SLC5A10: variants seen among roughly 807,000 people sequenced by gnomAD.
SLC5A10 encodes solute carrier family 5 member 10.
In SLC5A10, 55 loss-of-function variants were observed where a neutral mutation model predicts 68.9. The observed-to-expected ratio is 0.80, with a 90% CI of 0.64 to 1.00. The LOEUF (loss-of-function observed/expected upper bound fraction) is 1.00. Ranked by LOEUF, SLC5A10 falls within the 50% of genes least tolerant of loss-of-function variation. The pLI is 0.00. For missense variants in SLC5A10, 732 were observed against 819.3 expected (o/e 0.89, Z 1.30); for synonymous variants, 344 against 344.8 (o/e 1.00, Z 0.02).
intron 8 of SLC5A10, among the ~76,000 whole-genome samples, chr17:18,972,827 C>A: frequency 6.6e-6 from 1 of 151,468 alleles, no homozygotes; most frequent in East Asian, 1.9e-4. Flanking sequence ...CGAGATTGTG[C>A]CACTGCACTC....
At chr17:18,994,791 C>T (rs888074151) in intron 9 of SLC5A10, among the ~76,000 whole-genome samples, 1 of 152,168 alleles carries the variant, frequency 6.6e-6, no homozygotes, top group Non-Finnish European at 1.5e-5. Context: ...GCTTTAAGGG[C>T]CATATGTTCT....
chr17:18,978,581 T>C (rs753263341), intron 9 of SLC5A10: 11 of 1,613,098 alleles, frequency 6.8e-6, no homozygotes, highest in East Asian at 2.2e-5. Context: ...AGAGGAGATC[T>C]TGGCAATCTC....
At position 18,959,631 on chromosome 17, in the gene SLC5A10, T is replaced by C. The variant is rs142002812; in HGVS notation, c.316T>C (p.Trp106Arg). The stretch of plus-strand genomic sequence containing the variant: ...CACGTACGTGCTGCTGGCACTGGCA[T>C]GGGTGTTCGTGCCCATCTACATCTC... ...NATYVLLALA[W>R]VFVPIYISSE... Residue 106 changes from tryptophan (W) to arginine (R), a missense_variant, in exon 4 of 15, where the codon TGG (tryptophan) becomes CGG (arginine). Coordinates refer to ENST00000395645, the MANE Select transcript of SLC5A10 (RefSeq NM_001042450.4). 4.3e-6 allele frequency: 7 copies of C among 1,614,030 alleles called. No individual in the cohort carries two copies. The highest frequency in any genetic ancestry group is 5.9e-6 in the Non-Finnish European group (7 of 1,180,002).
In SLC5A10 at chr17:19,004,597, C is replaced by T. The variant is rs1163376863; in HGVS notation, c.983-8813C>T. ...GGTGCCGGCAACCCAGGAGGCCTGC[C>T]CGGAGGAGGCTGGGGCTCTGGGAGG... On this transcript the variant is annotated intron_variant, in intron 9 of 14. Coordinates refer to ENST00000395645, the MANE Select transcript of SLC5A10 (RefSeq NM_001042450.4). This position sits in a 1 kb window ranked among gnomAD's most constrained non-coding sequence, Gnocchi z 5.4. 3 of 151,982 alleles carry T rather than the reference C, an allele frequency of 2.0e-5. No homozygotes were observed. The highest frequency in any genetic ancestry group is 4.4e-5 in the Non-Finnish European group (3 of 67,912). 9.4% of individuals were successfully genotyped at this position (151,982 alleles called of 1,614,324 possible).
chr17:19,008,689 C>A (rs954740240), intron 9 of SLC5A10, among the ~76,000 whole-genome samples: 1 of 151,850 alleles, frequency 6.6e-6, no homozygotes. Context: ...TTAATAGAGA[C>A]GGGGTTTCAC....
intron 9 of SLC5A10, among the ~76,000 whole-genome samples, chr17:18,981,233 T>C (rs934344635): frequency 4.6e-5 from 7 of 151,256 alleles, no homozygotes; most frequent in African/African-American, 1.7e-4. Context: ...GAGGATGACA[T>C]AGGTCACAGG....
chr17:18,957,754 G>A (rs918195047), intron 1 of SLC5A10, among the ~76,000 whole-genome samples: 1 of 152,146 alleles, frequency 6.6e-6, no homozygotes, highest in African/African-American at 2.4e-5. Context: ...GTGAGCCACC[G>A]CGCCAGCCCA....
chr17:19,015,077 G>C lies in SLC5A10; in HGVS notation c.1119G>C (p.Met373Ile). 6.2e-7 allele frequency: 1 copy of C among 1,613,990 alleles called. No homozygotes were observed. The highest frequency in any genetic ancestry group is 8.5e-7 in the Non-Finnish European group (1 of 1,179,900). ...TGCGGGGGCTGATGATCGCAGTGAT[G>C]CTGGCGGCGCTCATGTCGTCGCTGA... Reference protein sequence around the residue: ...IGLRGLMIAVMLAALMSSLTS... With the variant: ...IGLRGLMIAVILAALMSSLTS... The change falls in exon 11 of 15, where the codon ATG becomes ATC. Residue 373 changes from methionine (M) to isoleucine (I), a missense_variant. By Grantham distance (10) the Met-to-Ile change is conservative. Transcript: ENST00000395645.
Position 18,959,680 on chromosome 17 carries a change from G to C in SLC5A10, c.348+17G>C. 6.2e-7 allele frequency: 1 copy of C among 1,613,670 alleles called. No homozygotes were observed. The highest frequency in any genetic ancestry group is 1.1e-5 in the South Asian group (1 of 91,070). On this transcript the variant is annotated intron_variant, in intron 4 of 14. Transcript: ENST00000395645. ...TCCTCAGAGGTGAGTCTACTCATGG[G>C]GCCTCCAGCTGGGGGGCTGGGCCTT...
intron 9 of SLC5A10, among the ~76,000 whole-genome samples, chr17:18,984,410 G>A (rs1184222585): frequency 6.6e-6 from 1 of 151,560 alleles, no homozygotes; most frequent in Non-Finnish European, 1.5e-5. Flanking sequence ...GGTAGAGACA[G>A]CAAGCAACAC....
At chr17:18,977,639 T>G in intron 9 of SLC5A10, 2 of 1,609,942 alleles carry the variant, frequency 1.2e-6, no homozygotes, top group Non-Finnish European at 1.7e-6. Flanking sequence ...CGCATCTGCT[T>G]CTTCTCTTCC....
At chr17:18,983,568 G>A (rs2043190605) in intron 9 of SLC5A10, among the ~76,000 whole-genome samples, 1 of 152,224 alleles carries the variant, frequency 6.6e-6, no homozygotes, top group African/African-American at 2.4e-5. Flanking sequence ...GGTCTGAGCT[G>A]GGAACAGTGA....
intron 9 of SLC5A10, chr17:18,978,295 G>A: frequency 6.2e-7 from 1 of 1,611,186 alleles, no homozygotes; most frequent in Non-Finnish European, 8.5e-7. Context: ...GCTGGTGCTG[G>A]GCGCTGGCCT....
chr17:18,952,524 C>A, intron 1 of SLC5A10: 1 of 551,798 alleles, frequency 1.8e-6, no homozygotes, highest in Non-Finnish European at 3.2e-6. Flanking sequence ...GCGTCTCCAT[C>A]TGCAAAGTGA....
In SLC5A10 at chr17:19,003,863, G is replaced by T; in HGVS notation, c.983-9547G>T. ...CAGGATGCGCTTGAGCTCCAGCTCC[G>T]AGAGGAAGTCTCGGATGTTCTCCCG... On this transcript the variant is annotated intron_variant, in intron 9 of 14. Transcript: ENST00000395645. This position sits in a 1 kb window ranked among gnomAD's most constrained non-coding sequence, Gnocchi z 4.5. 2.5e-6 allele frequency: 4 copies of T among 1,613,034 alleles called. No individual in the cohort carries two copies. The highest frequency in any genetic ancestry group is 2.2e-5 in the South Asian group (2 of 91,078).
At chr17:18,977,862 G>T in intron 9 of SLC5A10, 1 of 1,610,964 alleles carries the variant, frequency 6.2e-7, no homozygotes. Context: ...CCAGGGCCAC[G>T]GCCGGAGCTG....
At chr17:18,990,044 C>T (rs1244198620) in intron 9 of SLC5A10, among the ~76,000 whole-genome samples, 4 of 152,198 alleles carry the variant, frequency 2.6e-5, no homozygotes, top group African/African-American at 9.6e-5. Flanking sequence ...TGACTGCTCC[C>T]TATCTCTCTG....
At chr17:19,002,547 C>A (rs1171263999) in intron 9 of SLC5A10, among the ~76,000 whole-genome samples, 1 of 152,264 alleles carries the variant, frequency 6.6e-6, no homozygotes, top group East Asian at 1.9e-4. Flanking sequence ...CAGCTAGGAA[C>A]ACCTCATCCC....
intron 11 of SLC5A10, among the ~76,000 whole-genome samples, chr17:19,016,363 A>G (rs566074701): frequency 6.6e-6 from 1 of 152,106 alleles, no homozygotes; most frequent in East Asian, 1.9e-4. Context: ...ATGCCTTTAC[A>G]TCCTCAGAGG....
Sources: gnomAD v4.1 joint callset for allele counts (sites outside exome capture counted in the v4.1 genomes callset) on GRCh38, gnomAD v4.1.1 for gene constraint, Gnocchi (gnomAD v3.1) non-coding constraint, MANE v1.5 for transcripts, NCBI Gene and HGNC (gene_info 2026-07-23, HGNC 2026-07-21) for gene names.